The following LARP1 variants were observed in gnomAD, a reference collection of about 807,000 sequenced individuals.
The protein encoded by LARP1 is la-related protein 1.
Under a neutral mutation model 122.7 loss-of-function variants are expected in LARP1, and 36 were observed. The observed-to-expected ratio is 0.29, with a 90% CI of 0.22 to 0.39. LARP1 has a LOEUF of 0.39. LARP1 is among the 10% of genes least tolerant of loss of function. LARP1 has a pLI of 1.00. For missense variants in LARP1, 1,040 were observed against 1,403.6 expected, an observed-to-expected ratio of 0.74 and a Z score of 4.14; for synonymous variants, 539 against 528.7, an observed-to-expected ratio of 1.02 and a Z score of -0.27.
intron 1 of LARP1, among the ~76,000 whole-genome samples, chr5:154,703,046 G>A (rs1754789138): frequency 2.0e-5 from 3 of 150,538 alleles, no homozygotes; most frequent in Middle Eastern, 3.5e-3. Context: ...GCTTGAACCC[G>A]GGAGGTGGAG....
chr5:154,808,511 C>T lies in LARP1; in HGVS notation c.2751C>T (p.Arg917=). 1 of 1,613,982 alleles carries T rather than the reference C, an allele frequency of 6.2e-7. No homozygotes were observed. The highest frequency in any genetic ancestry group is 8.5e-7 in the Non-Finnish European group (1 of 1,180,014). ...GQSQEMNTLF[R]FWSFFLRDHF... ...CTCAGGAGATGAACACACTCTTCCG[C>T]TTCTGGTCCTTCTTCCTCCGAGATC... The change falls in exon 16 of 19, where the codon CGC becomes CGT. Residue 917 remains arginine, a synonymous_variant. Transcript: ENST00000518297.
At chr5:154,726,913 T>C (rs771074112) in intron 1 of LARP1, among the ~76,000 whole-genome samples, 3 of 152,180 alleles carry the variant, frequency 2.0e-5, no homozygotes, top group Non-Finnish European at 4.4e-5. Context: ...TCATCAGATC[T>C]TGTGAGACTC....
Position 154,793,830 on chromosome 5 carries a change from C to T in LARP1, c.899C>T (p.Ala300Val), listed in dbSNP as rs1036600812. 2 of 1,613,414 alleles carry T rather than the reference C, an allele frequency of 1.2e-6. No individual in the cohort carries two copies. Among genetic ancestry groups the T allele is most frequent in the Admixed American group, 3.3e-5 (2 of 59,980 alleles). Residue 300 changes from alanine (A) to valine (V), a missense_variant, in exon 6 of 19, where the codon GCC becomes GTC. Coordinates refer to ENST00000518297, the MANE Select transcript of LARP1 (RefSeq NM_033551.3). ...GSESATYVPV[A>V]PPTPAWQPEI... Reference sequence around the variant, plus strand: ...GAGTCTGCCACCTACGTGCCCGTGGCCCCCCCCACCCCAGCCTGGCAACCA... The same window carrying T: ...GAGTCTGCCACCTACGTGCCCGTGGTCCCCCCCACCCCAGCCTGGCAACCA...
intron 1 of LARP1, among the ~76,000 whole-genome samples, chr5:154,696,594 G>T (rs975203827): frequency 6.6e-6 from 1 of 152,140 alleles, no homozygotes; most frequent in Non-Finnish European, 1.5e-5. Flanking sequence ...GAAAATACTA[G>T]TCTCATTTTA....
At chr5:154,693,674 T>G (rs986296526) in intron 1 of LARP1, among the ~76,000 whole-genome samples, 2 of 151,938 alleles carry the variant, frequency 1.3e-5, no homozygotes, top group African/African-American at 4.8e-5. Flanking sequence ...GCTAACACAA[T>G]GAAACCCCGT....
chr5:154,691,053 A>G (rs1199467884), intron 1 of LARP1, among the ~76,000 whole-genome samples: 2 of 151,868 alleles, frequency 1.3e-5, no homozygotes, highest in Non-Finnish European at 2.9e-5. Flanking sequence ...AGGTCAGGAG[A>G]TCGAGACCAT....
Position 154,793,592 on chromosome 5 carries a change from C to T in LARP1, c.740-3C>T, listed in dbSNP as rs996576910. On this transcript the variant is annotated splice_polypyrimidine_tract_variant and splice_region_variant and intron_variant, in intron 4 of 18. Transcript: ENST00000518297. ...TTTCTCATGTACCCATGCTGTCTCC[C>T]AGGAAACAAACACAAGTGGGTTCCA... 10 of 1,614,052 alleles carry T rather than the reference C, an allele frequency of 6.2e-6. No individual in the cohort carries two copies. The highest frequency in any genetic ancestry group is 8.5e-6 in the Non-Finnish European group (10 of 1,180,030).
intron 1 of LARP1, among the ~76,000 whole-genome samples, chr5:154,723,598 A>G (rs1421205565): frequency 6.6e-6 from 1 of 152,178 alleles, no homozygotes; most frequent in Admixed American, 6.6e-5. Flanking sequence ...TCTAGGGGGG[A>G]AAATAATGAG....
chr5:154,811,100 C>T, intron 16 of LARP1, 147 bp from the exon 17 acceptor site: 1 of 610,546 alleles, frequency 1.6e-6, no homozygotes, highest in Admixed American at 2.9e-5. Context: ...CCCACTTAGA[C>T]TAGCATTCTA....
At chr5:154,710,188 A>G (rs1003207601), upstream of LARP1, among the ~76,000 whole-genome samples, 5 of 152,152 alleles carry the variant, frequency 3.3e-5, no homozygotes, top group Non-Finnish European at 5.9e-5. Context: ...ACAGACTGGT[A>G]CCAGTCCATG....
At chr5:154,748,363 A>C (rs1176887858) in intron 1 of LARP1, among the ~76,000 whole-genome samples, 2 of 152,228 alleles carry the variant, frequency 1.3e-5, no homozygotes, top group Non-Finnish European at 2.9e-5. Context: ...TAAGTACTCC[A>C]AGGAACACTA....
At chr5:154,704,502 C>G (rs1038647474) in intron 1 of LARP1, among the ~76,000 whole-genome samples, 3 of 152,000 alleles carry the variant, frequency 2.0e-5, no homozygotes, top group Non-Finnish European at 2.9e-5. Flanking sequence ...CAAAAATTAG[C>G]TAGGTGTGGT....
At chr5:154,764,896 C>T (rs1754795444) in intron 1 of LARP1, among the ~76,000 whole-genome samples, 2 of 145,866 alleles carry the variant, frequency 1.4e-5, no homozygotes, top group Admixed American at 1.4e-4. Context: ...CAGAGCAAGA[C>T]TCCATCACAA....
chr5:154,769,535 AGT>A (rs1200840137), intron 1 of LARP1, among the ~76,000 whole-genome samples: 1 of 152,004 alleles, frequency 6.6e-6, no homozygotes, highest in East Asian at 1.9e-4. Context: ...AGGGGGAGTG[AGT>A]GTGATGGAGA....
chr5:154,792,528 C>G, intron 3 of LARP1, 94 bp from the exon 4 acceptor site: 1 of 1,136,866 alleles, frequency 8.8e-7, no homozygotes, highest in East Asian at 2.4e-5. Context: ...CATGCTGTGG[C>G]TCCTGCCTGC....
Position 154,814,117 on chromosome 5 carries a change from C to A in LARP1, c.*21C>A, listed in dbSNP as rs531581939. 2 of 1,610,638 alleles carry A rather than the reference C, an allele frequency of 1.2e-6. No individual in the cohort carries two copies. Among genetic ancestry groups the A allele is most frequent in the African/African-American group, 2.7e-5 (2 of 74,908 alleles). Reference sequence around the variant, plus strand: ...AGTGAAAAGCTCCTTAGCCCTGGGGCTTGAGGGGGGAAAGGGGTAGGGTGG... The same window carrying A: ...AGTGAAAAGCTCCTTAGCCCTGGGGATTGAGGGGGGAAAGGGGTAGGGTGG... On this transcript the variant is annotated 3_prime_UTR_variant, in exon 19 of 19. Coordinates refer to ENST00000518297, the MANE Select transcript of LARP1 (RefSeq NM_033551.3).
chr5:154,688,359 A>C (rs1754033994), intron 1 of LARP1, among the ~76,000 whole-genome samples: 1 of 152,102 alleles, frequency 6.6e-6, no homozygotes, highest in Non-Finnish European at 1.5e-5. Flanking sequence ...CACATCTTAA[A>C]AAAAAAATTA....
rs567474210 is a variant in LARP1, at chr5:154,697,582, A to G, written c.-180+14545A>G. Among the ~76,000 whole-genome samples, 9 of 152,368 alleles carry G rather than the reference A, an allele frequency of 5.9e-5. No homozygotes were observed. The South Asian group carries it at 1.9e-3, about 32-fold the overall frequency. ...TACATTGGAATGTTATTCAGCCATA[A>G]CAGGGAATGAAGTTCTGATATATGC... On this transcript the variant is annotated intron_variant, in intron 1 of 18. Coordinates refer to the LARP1 transcript ENST00000687700.
intron 1 of LARP1, among the ~76,000 whole-genome samples, chr5:154,746,582 G>A (rs1193872170): frequency 6.6e-6 from 1 of 152,152 alleles, no homozygotes; most frequent in Non-Finnish European, 1.5e-5. Flanking sequence ...CTGCTGCCCT[G>A]GCACCCTGGA....
Sources: gnomAD v4.1 joint callset for allele counts (sites outside exome capture counted in the v4.1 genomes callset) on GRCh38, gnomAD v4.1.1 for gene constraint, MANE v1.5 for transcripts, NCBI Gene and HGNC (gene_info 2026-07-23, HGNC 2026-07-21) for gene names.